Variants in RASA3 observed in about 807,000 individuals in gnomAD.
RASA3 encodes ras GTPase-activating protein 3.
RASA3 carries 73 observed loss-of-function variants against 110.0 expected under a neutral mutation model. The ratio of observed to expected loss-of-function variants is 0.66; its 90% confidence interval spans 0.55 to 0.81. The LOEUF (loss-of-function observed/expected upper bound fraction) is 0.81, where lower values mean the gene tolerates loss of function less well. RASA3 is among the 30% of genes least tolerant of loss of function. The pLI, the probability that RASA3 is intolerant of heterozygous loss-of-function variation, is 0.00. For missense variants in RASA3, 976 were observed against 1,113.2 expected, an observed-to-expected ratio of 0.88 and a Z score of 1.75; for synonymous variants, 500 against 451.4, an observed-to-expected ratio of 1.11 and a Z score of -1.37.
At chr13:114,127,486 C>T (rs1193412173) in intron 1 of RASA3, among the ~76,000 whole-genome samples, 2 of 152,256 alleles carry the variant, frequency 1.3e-5, no homozygotes, top group African/African-American at 4.8e-5. Flanking sequence ...AGACCAGCAG[C>T]CCCTTCCTTC....
chr13:113,984,793 C>CCCAT (rs2053014775), intron 22 of RASA3, among the ~76,000 whole-genome samples: 1 of 26,518 alleles, frequency 3.8e-5, no homozygotes, highest in Non-Finnish European at 7.9e-5. Context: ...CACTGACCCA[C>CCCAT]CCATCCATCC....
At position 114,057,679 on chromosome 13, in the gene RASA3, C is replaced by G. The variant is rs1351753899; in HGVS notation, c.174-5524G>C. 6.6e-6 allele frequency among the ~76,000 whole-genome samples: 1 copy of G among 152,202 alleles called. No homozygotes were observed. The highest frequency in any genetic ancestry group is 1.5e-5 in the Non-Finnish European group (1 of 68,026). On this transcript the variant is annotated intron_variant, in intron 2 of 23. Transcript: ENST00000334062. This position sits in a 1 kb window ranked among gnomAD's most constrained non-coding sequence, Gnocchi z 5.0. ...AAACTCCTGGAAGAATGTAAAACCC[C>G]CAGCTCAAGGAGGAGAGTGGAGGCG...
chr13:114,123,887 G>C (rs1368017345), intron 1 of RASA3, among the ~76,000 whole-genome samples: 1 of 152,260 alleles, frequency 6.6e-6, no homozygotes, highest in Non-Finnish European at 1.5e-5. Flanking sequence ...CCTATGGGCA[G>C]TCAGGGCCAA....
intron 1 of RASA3, among the ~76,000 whole-genome samples, chr13:114,130,413 A>G (rs1356359043): frequency 6.6e-6 from 1 of 152,220 alleles, no homozygotes; most frequent in Non-Finnish European, 1.5e-5. Flanking sequence ...ACGTGGGATT[A>G]GCAGCCTAAG....
At chr13:114,020,812 G>GTT (rs2053910746) in intron 9 of RASA3, among the ~76,000 whole-genome samples, 1 of 152,234 alleles carries the variant, frequency 6.6e-6, no homozygotes, top group South Asian at 2.1e-4. Flanking sequence ...AGAGAACCCT[G>GTT]TAATGCGCCC....
chr13:114,081,793 C>T (rs922441886), intron 1 of RASA3, among the ~76,000 whole-genome samples: 2 of 152,150 alleles, frequency 1.3e-5, no homozygotes, highest in African/African-American at 4.8e-5. Flanking sequence ...ATGAAGCCGC[C>T]CTTCTGAGTT....
chr13:114,036,599 G>A lies in RASA3; in HGVS notation c.372+4401C>T, dbSNP rs539110537. On this transcript the variant is annotated intron_variant, in intron 4 of 23. Coordinates refer to ENST00000334062, the MANE Select transcript of RASA3 (RefSeq NM_007368.4). ...GTTGCCCAGGCTGGAGTGCAATGGC[G>A]CGATCTCAGCTCACAGCAACCTCCG... Among the ~76,000 whole-genome samples, 9 of 152,146 alleles carry A rather than the reference G, an allele frequency of 5.9e-5. No individual in the cohort carries two copies. In the Middle Eastern group the frequency reaches 0.01, roughly 174 times the overall value.
chr13:113,988,788 TG>T (rs1294231136), intron 22 of RASA3, among the ~76,000 whole-genome samples: 2 of 131,694 alleles, frequency 1.5e-5, no homozygotes, highest in Non-Finnish European at 3.2e-5. Flanking sequence ...CTCACCCATC[TG>T]CCCATCCACC....
intron 1 of RASA3, among the ~76,000 whole-genome samples, chr13:114,095,603 A>C (rs188385525): frequency 1.6e-4 from 25 of 152,206 alleles, no homozygotes; most frequent in African/African-American, 5.8e-4. Context: ...AGACTTGTTT[A>C]TGTCATGCAC....
At chr13:114,042,297 C>G (rs1355982516) in intron 3 of RASA3, among the ~76,000 whole-genome samples, 2 of 152,252 alleles carry the variant, frequency 1.3e-5, no homozygotes, top group Non-Finnish European at 2.9e-5. Context: ...ACACTGCGGA[C>G]CACGCCACCC....
intron 1 of RASA3, among the ~76,000 whole-genome samples, chr13:114,110,469 G>A (rs58820166): frequency 0.017 from 2,654 of 152,284 alleles, 83 homozygotes; most frequent in African/African-American, 0.061. Flanking sequence ...CCGTGCCTGC[G>A]GCTGCTTCCC....
In RASA3 at chr13:114,109,739, C is replaced by T. The variant is rs1250643817; in HGVS notation, c.55+22696G>A. On this transcript the variant is annotated intron_variant, in intron 1 of 23. Transcript: ENST00000334062. ...ACCAGGCCCTCGAGCCTCCAAACGC[C>T]GTGAGCAGCCTCCTCCTGCTGTGGC... Among the ~76,000 whole-genome samples, 9 of 151,780 alleles carry T rather than the reference C, an allele frequency of 5.9e-5. No homozygotes were observed. In the East Asian group the frequency reaches 7.8e-4, roughly 13 times the overall value.
intron 20 of RASA3, among the ~76,000 whole-genome samples, chr13:113,998,685 C>T (rs1019104210): frequency 2.0e-4 from 31 of 152,252 alleles, no homozygotes; most frequent in Non-Finnish European, 4.3e-4. Context: ...GCCAGAAATG[C>T]ATCATCAGAA....
chr13:114,093,992 G>A (rs2079915817), intron 1 of RASA3, among the ~76,000 whole-genome samples: 1 of 151,988 alleles, frequency 6.6e-6, no homozygotes, highest in Non-Finnish European at 1.5e-5. Context: ...CCTGAAAACA[G>A]CTATTTTGAA....
At chr13:113,980,035 T>A (rs1207970430) in intron 23 of RASA3, among the ~76,000 whole-genome samples, 1 of 130,934 alleles carries the variant, frequency 7.6e-6, no homozygotes, top group Non-Finnish European at 1.6e-5. Flanking sequence ...CACCTGTGTG[T>A]GCACCTCTGT....
At chr13:114,066,946 G>A (rs2079462721) in intron 2 of RASA3, among the ~76,000 whole-genome samples, 1 of 143,342 alleles carries the variant, frequency 7.0e-6, no homozygotes. Context: ...GCTGAGGACG[G>A]GCCTCCCCAC....
At chr13:114,079,749 A>G (rs9525244) in intron 1 of RASA3, among the ~76,000 whole-genome samples, 22,387 of 152,178 alleles carry the variant, frequency 0.15, 2,500 homozygotes, top group African/African-American at 0.31. Flanking sequence ...TGCAAGGCCC[A>G]TGTGCCCCCT....
At chr13:114,067,733 G>C (rs554543182) in intron 2 of RASA3, among the ~76,000 whole-genome samples, 4 of 152,156 alleles carry the variant, frequency 2.6e-5, no homozygotes, top group Non-Finnish European at 4.4e-5. Flanking sequence ...AGGACGGGAC[G>C]GGCTTCCACC....
chr13:114,040,357 G>A (rs1457553759), intron 4 of RASA3, among the ~76,000 whole-genome samples: 1 of 84,590 alleles, frequency 1.2e-5, no homozygotes, highest in East Asian at 3.6e-4. Context: ...CCATGGCAGA[G>A]ACCGCGCTCA....
Sources: allele counts gnomAD v4.1 joint callset (sites outside exome capture counted in the v4.1 genomes callset), GRCh38; gene constraint gnomAD v4.1.1; non-coding constraint Gnocchi (gnomAD v3.1); transcripts MANE v1.5; gene names NCBI Gene and HGNC (gene_info 2026-07-23, HGNC 2026-07-21).